The following STRBP variants were observed in gnomAD, a reference collection of about 807,000 sequenced individuals.
STRBP encodes spermatid perinuclear RNA-binding protein.
STRBP carries 13 observed loss-of-function variants against 80.1 expected under a neutral mutation model. The ratio of observed to expected loss-of-function variants is 0.16; its 90% CI spans 0.11 to 0.26. STRBP has a LOEUF of 0.26. Ranked by LOEUF, STRBP falls within the 10% of genes least tolerant of loss-of-function variation. The pLI is 1.00. For missense variants in STRBP, 485 were observed against 815.2 expected (o/e 0.59, Z 4.93); for synonymous variants, 284 against 291.2 (o/e 0.98, Z 0.25).
At chr9:123,196,272 TA>T (rs2039087822) in intron 2 of STRBP, among the ~76,000 whole-genome samples, 1 of 152,048 alleles carries the variant, frequency 6.6e-6, no homozygotes, top group Non-Finnish European at 1.5e-5. Flanking sequence ...ATAAAACTAC[TA>T]AAAGAAAACA....
At position 123,132,977 on chromosome 9, in the gene STRBP, A is replaced by G; in HGVS notation, c.1774-9T>C. 6.2e-7 allele frequency: 1 copy of G among 1,609,968 alleles called. No individual in the cohort carries two copies. The highest frequency in any genetic ancestry group is 8.5e-7 in the Non-Finnish European group (1 of 1,178,252). ...TTCACAACGCCCTTTGCCTGTTAAA[A>G]TAACACATTTTCATTACTGAAAGAA... On this transcript the variant is annotated splice_polypyrimidine_tract_variant and intron_variant, in intron 16 of 18. Transcript: ENST00000348403.
intron 2 of STRBP, among the ~76,000 whole-genome samples, chr9:123,187,805 T>G (rs572062388): frequency 6.8e-6 from 1 of 146,128 alleles, no homozygotes; most frequent in East Asian, 2.2e-4. Context: ...CTCCTATTCT[T>G]GACATATTAC....
chr9:123,242,144 C>T (rs2132609070), intron 1 of STRBP, among the ~76,000 whole-genome samples: 1 of 152,306 alleles, frequency 6.6e-6, no homozygotes, highest in African/African-American at 2.4e-5. Context: ...CAGAGGCCTT[C>T]CCTGATCTAA....
rs1377270136 is a variant in STRBP at position 123,144,211 on chromosome 9, A to AAAAG, written c.1338+2640_1338+2643dup. Among the ~76,000 whole-genome samples the AAAAG allele has an allele frequency of 7.3e-5, 11 of 151,722 alleles. No homozygotes were observed. In the South Asian group the frequency reaches 1.0e-3, roughly 14 times the overall value. The stretch of plus-strand genomic sequence containing the variant: ...AGACTCCGTCTCAAAAAAAAAAAAA[A>AAAAG]AAAGAAAGAAAGAAAGAAAGATCCT... On this transcript the variant is annotated intron_variant, in intron 13 of 18. Coordinates refer to ENST00000348403, the MANE Select transcript of STRBP (RefSeq NM_018387.5).
At chr9:123,134,659 A>T (rs1382081110) in intron 16 of STRBP, among the ~76,000 whole-genome samples, 1 of 152,242 alleles carries the variant, frequency 6.6e-6, no homozygotes, top group East Asian at 1.9e-4. Context: ...AGCAAGCAAC[A>T]ATCTGGCAGT....
At chr9:123,188,672 AAAC>A (rs2038799887) in intron 2 of STRBP, among the ~76,000 whole-genome samples, 1 of 152,122 alleles carries the variant, frequency 6.6e-6, no homozygotes, top group African/African-American at 2.4e-5. Flanking sequence ...CAAAACCAAC[AAAC>A]AACTATGCTA....
chr9:123,232,167 C>A (rs1032775635), intron 2 of STRBP, among the ~76,000 whole-genome samples: 1 of 152,058 alleles, frequency 6.6e-6, no homozygotes, highest in Non-Finnish European at 1.5e-5. Context: ...CAAAAATTAG[C>A]CAGGCTTGGT....
intron 11 of STRBP, among the ~76,000 whole-genome samples, chr9:123,157,233 T>G (rs2037327462): frequency 6.6e-6 from 1 of 152,204 alleles, no homozygotes; most frequent in Non-Finnish European, 1.5e-5. Flanking sequence ...TTTCTTCTCC[T>G]CTGTATTTTT....
intron 2 of STRBP, among the ~76,000 whole-genome samples, chr9:123,196,876 C>A (rs942876954): frequency 6.6e-6 from 1 of 152,166 alleles, no homozygotes; most frequent in Non-Finnish European, 1.5e-5. Flanking sequence ...TCAGCAATCT[C>A]ACGGCTAGGT....
chr9:123,173,890 C>A (rs760449610), intron 4 of STRBP, 48 bp from the exon 5 acceptor site: 1 of 1,543,974 alleles, frequency 6.5e-7, no homozygotes, highest in Non-Finnish European at 8.7e-7. Flanking sequence ...ATTTCCCAAA[C>A]TATAACTTAA....
rs2038606474 is a variant in STRBP at position 123,184,201 on chromosome 9, C to T, written c.-67G>A. 2.6e-6 allele frequency: 4 copies of T among 1,548,686 alleles called. No individual in the cohort carries two copies. Among genetic ancestry groups the T allele is most frequent in the South Asian group, 2.3e-5 (2 of 85,458 alleles). On this transcript the variant is annotated 5_prime_UTR_variant, in exon 3 of 19. Transcript: ENST00000348403. Reference sequence around the variant, plus strand: ...CCTCTTTCTTGTCGTCTTCACTAGACACTGTTTTGTGTAACAATACCTCCT... The same window carrying T: ...CCTCTTTCTTGTCGTCTTCACTAGATACTGTTTTGTGTAACAATACCTCCT...
intron 14 of STRBP, 47 bp downstream of exon 14, chr9:123,139,482 C>A (rs747434746): frequency 7.2e-5 from 104 of 1,435,216 alleles, no homozygotes; most frequent in Non-Finnish European, 9.1e-5. Context: ...AAATTTCCTA[C>A]AATGCACATA....
At chr9:123,180,867 C>T in intron 3 of STRBP, 1 of 940,358 alleles carries the variant, frequency 1.1e-6, no homozygotes, top group Non-Finnish European at 1.3e-6. Context: ...TCTTTACTTA[C>T]ATGAAATTAT....
At chr9:123,223,518 T>G (rs948049935) in intron 2 of STRBP, among the ~76,000 whole-genome samples, 10 of 152,122 alleles carry the variant, frequency 6.6e-5, no homozygotes, top group African/African-American at 2.4e-4. Context: ...AATCTAAAAC[T>G]CTCCAGTTAA....
At chr9:123,246,557 T>C (rs1003790002) in intron 1 of STRBP, among the ~76,000 whole-genome samples, 1 of 152,218 alleles carries the variant, frequency 6.6e-6, no homozygotes, top group Non-Finnish European at 1.5e-5. Flanking sequence ...GTATAAATTA[T>C]TAAGTTAGAT....
At chr9:123,168,423 TATG>T (rs2037861970) in intron 6 of STRBP, among the ~76,000 whole-genome samples, 1 of 152,240 alleles carries the variant, frequency 6.6e-6, no homozygotes, top group Admixed American at 6.5e-5. Flanking sequence ...TCTGTTGAGT[TATG>T]ATATAGATGA....
At chr9:123,120,485 G>T (rs2035713765), downstream of STRBP, among the ~76,000 whole-genome samples, 2 of 44,624 alleles carry the variant, frequency 4.5e-5, no homozygotes, top group Admixed American at 2.0e-4. Context: ...TTGCGGGCGG[G>T]GGGGTGGGGG....
chr9:123,123,749 A>C lies in STRBP; in HGVS notation c.*1848T>G. ...AATAACAATACAGCCGCAGCTGCCA[A>C]TTAATAGTATTCCAAAGACAATGAG... On this transcript the variant is annotated 3_prime_UTR_variant, in exon 19 of 19. Transcript: ENST00000348403. 4 of 985,418 alleles carry C rather than the reference A, an allele frequency of 4.1e-6. No individual in the cohort carries two copies. The highest frequency in any genetic ancestry group is 4.8e-6 in the Non-Finnish European group (4 of 829,924). The allele number at this position is 985,418 out of a possible 1,614,324, so 61.0% of individuals were successfully genotyped here. A position where few individuals can be genotyped will look rare whatever the true frequency, so the allele number is the denominator to read the frequency against.
At position 123,115,912 on chromosome 9, in the gene STRBP, T is replaced by C; in HGVS notation, c.*84+17A>G. 2.4e-6 allele frequency: 1 copy of C among 425,114 alleles called. No homozygotes were observed. 26.3% of individuals were successfully genotyped at this position (425,114 alleles called of 1,614,324 possible). A position where few individuals can be genotyped will look rare whatever the true frequency, so the allele number is the denominator to read the frequency against. ...TGGAACCACATACAACAAATAAATA[T>C]AATCCCTTAAAAATACCTGGCAGGA... On this transcript the variant is annotated intron_variant and NMD_transcript_variant, in intron 3 of 3. Transcript: ENST00000471564. This position sits in a 1 kb window ranked among gnomAD's most constrained non-coding sequence, Gnocchi z 5.0.
Sources: allele counts gnomAD v4.1 joint callset (sites outside exome capture counted in the v4.1 genomes callset), GRCh38; gene constraint gnomAD v4.1.1; non-coding constraint Gnocchi (gnomAD v3.1); transcripts MANE v1.5; gene names NCBI Gene and HGNC (gene_info 2026-07-23, HGNC 2026-07-21).